Variants in GRIP1 observed in about 807,000 individuals in gnomAD.
GRIP1 encodes glutamate receptor-interacting protein 1.
Under a neutral mutation model 129.9 loss-of-function variants are expected in GRIP1, and 45 were observed. The observed-to-expected ratio is 0.35, with a 90% CI of 0.27 to 0.44. GRIP1 has a LOEUF of 0.44. Ranked by LOEUF, GRIP1 falls within the 20% of genes least tolerant of loss-of-function variation. The pLI is 1.00. For missense variants in GRIP1, 1,196 were observed against 1,396.8 expected (o/e 0.86, Z 2.29); for synonymous variants, 530 against 520.8 (o/e 1.02, Z -0.24).
chr12:66,984,013 C>T (rs187818893), intron 1 of GRIP1, among the ~76,000 whole-genome samples: 99 of 152,230 alleles, frequency 6.5e-4, no homozygotes, highest in African/African-American at 2.2e-3. Flanking sequence ...TGGGGATGTT[C>T]AGGTTAGAGA....
intron 1 of GRIP1, among the ~76,000 whole-genome samples, chr12:66,935,226 C>A (rs1266861731): frequency 1.3e-5 from 2 of 152,060 alleles, no homozygotes; most frequent in African/African-American, 2.4e-5. Flanking sequence ...TTTTAAGTTT[C>A]TGTTTGTTGT....
At chr12:66,737,954 A>G (rs1015217358) in intron 1 of GRIP1, among the ~76,000 whole-genome samples, 1 of 152,150 alleles carries the variant, frequency 6.6e-6, no homozygotes, top group Admixed American at 6.5e-5. Flanking sequence ...GAGCATACTA[A>G]TGGGAGCTGA....
At chr12:66,903,105 C>T (rs2040869255) in intron 1 of GRIP1, among the ~76,000 whole-genome samples, 1 of 144,474 alleles carries the variant, frequency 6.9e-6, no homozygotes, top group Non-Finnish European at 1.5e-5. Flanking sequence ...CATTAAAATA[C>T]TTTCTTGTTA....
intron 1 of GRIP1, among the ~76,000 whole-genome samples, chr12:66,793,235 G>GCATT (rs2038596402): frequency 6.6e-6 from 1 of 152,140 alleles, no homozygotes; most frequent in African/African-American, 2.4e-5. Context: ...GACACAAAAT[G>GCATT]CATTCATATT....
chr12:66,589,915 C>T (rs888564938), intron 2 of GRIP1, among the ~76,000 whole-genome samples: 3 of 152,136 alleles, frequency 2.0e-5, no homozygotes, highest in Non-Finnish European at 2.9e-5. Flanking sequence ...TCAAGCCATA[C>T]ATCTTTTACC....
At chr12:66,723,850 A>G (rs2036171951) in intron 1 of GRIP1, among the ~76,000 whole-genome samples, 1 of 152,216 alleles carries the variant, frequency 6.6e-6, no homozygotes, top group African/African-American at 2.4e-5. Flanking sequence ...CATTTTGTGA[A>G]CACACGCCTG....
At chr12:66,527,776 A>G (rs2061305298) in intron 5 of GRIP1, among the ~76,000 whole-genome samples, 1 of 152,124 alleles carries the variant, frequency 6.6e-6, no homozygotes, top group South Asian at 2.1e-4. Context: ...GGACACAAAG[A>G]AGGGAACAAC....
chr12:66,388,812 C>T (rs2056465072), intron 19 of GRIP1, among the ~76,000 whole-genome samples: 1 of 152,214 alleles, frequency 6.6e-6, no homozygotes, highest in Non-Finnish European at 1.5e-5. Context: ...TATTTGTTAA[C>T]TGACTGTCCC....
At chr12:66,493,222 T>C (rs957655929) in intron 7 of GRIP1, among the ~76,000 whole-genome samples, 3 of 152,174 alleles carry the variant, frequency 2.0e-5, no homozygotes, top group African/African-American at 7.2e-5. Context: ...TGGGAACTAT[T>C]GCTTTAGACT....
chr12:66,736,662 C>A (rs1393787728), intron 1 of GRIP1, among the ~76,000 whole-genome samples: 1 of 151,652 alleles, frequency 6.6e-6, no homozygotes, highest in African/African-American at 2.4e-5. Flanking sequence ...AATCTGCACA[C>A]TAGTGAACCC....
At chr12:66,683,132 C>T (rs760921058), upstream of GRIP1, among the ~76,000 whole-genome samples, 23 of 152,058 alleles carry the variant, frequency 1.5e-4, no homozygotes, top group Non-Finnish European at 2.2e-4. Context: ...TCAGTGTTCT[C>T]GGAGGTCTTA....
At chr12:66,436,173 A>C (rs760137015) in intron 13 of GRIP1, among the ~76,000 whole-genome samples, 8 of 152,216 alleles carry the variant, frequency 5.3e-5, no homozygotes, top group Admixed American at 2.6e-4. Context: ...TGGGTAAACA[A>C]AGGTCTCCTT....
At chr12:66,736,291 T>C (rs1478091740) in intron 1 of GRIP1, among the ~76,000 whole-genome samples, 2 of 147,434 alleles carry the variant, frequency 1.4e-5, no homozygotes, top group Non-Finnish European at 3.0e-5. Context: ...GCAATCCTCT[T>C]ACCTCAACCT....
Position 66,730,757 on chromosome 12 carries a change from G to A in GRIP1, c.-420+73296C>T, listed in dbSNP as rs1236076085. 2.6e-5 allele frequency among the ~76,000 whole-genome samples: 4 copies of A among 150,962 alleles called. No individual in the cohort carries two copies. The South Asian group carries it at 8.4e-4, about 32-fold the overall frequency. On this transcript the variant is annotated intron_variant, in intron 1 of 4. Coordinates refer to the GRIP1 transcript ENST00000538373. ...GTATTTCCCATGCCCAGTGTGCTGG[G>A]GAGAAGGTGACGGACCACAGTACTG...
intron 1 of GRIP1, among the ~76,000 whole-genome samples, chr12:66,692,805 G>T (rs374182476): frequency 6.6e-6 from 1 of 152,162 alleles, no homozygotes; most frequent in African/African-American, 2.4e-5. Flanking sequence ...GACTGCCTGG[G>T]TTTGAATCTA....
chr12:66,773,765 G>A (rs979193831), intron 1 of GRIP1, among the ~76,000 whole-genome samples: 7 of 152,220 alleles, frequency 4.6e-5, no homozygotes, highest in African/African-American at 1.7e-4. Flanking sequence ...GTGGGGATGG[G>A]GGTTAACTGC....
At chr12:67,029,536 G>T (rs372095493) in intron 1 of GRIP1, among the ~76,000 whole-genome samples, 3 of 142,702 alleles carry the variant, frequency 2.1e-5, no homozygotes, top group South Asian at 2.2e-4. Flanking sequence ...CTATGACTGT[G>T]CTATTGCCCT....
At chr12:67,045,779 T>C (rs527358343) in intron 1 of GRIP1, among the ~76,000 whole-genome samples, 1 of 152,336 alleles carries the variant, frequency 6.6e-6, no homozygotes, top group Admixed American at 6.5e-5. Flanking sequence ...AACCTCAAAC[T>C]GACTTAAGTG....
At chr12:66,753,290 C>T (rs2037185817) in intron 1 of GRIP1, among the ~76,000 whole-genome samples, 1 of 152,016 alleles carries the variant, frequency 6.6e-6, no homozygotes, top group South Asian at 2.1e-4. Context: ...TTAGATGTGG[C>T]TACGTATATG....
Sources: gnomAD v4.1 joint callset for allele counts (sites outside exome capture counted in the v4.1 genomes callset) on GRCh38, gnomAD v4.1.1 for gene constraint, MANE v1.5 for transcripts, NCBI Gene and HGNC (gene_info 2026-07-23, HGNC 2026-07-21) for gene names.